The following PCDH9 variants were observed in gnomAD, a reference collection of about 807,000 sequenced individuals.
The protein encoded by PCDH9 is protocadherin 9, also known as protocadherin-9.
PCDH9 carries 24 observed loss-of-function variants against 70.6 expected under a neutral mutation model. The ratio of observed to expected loss-of-function variants is 0.34; its 90% CI spans 0.25 to 0.48. The LOEUF (loss-of-function observed/expected upper bound fraction) is 0.48, where lower values mean the gene tolerates loss of function less well. Among genes scored for constraint, PCDH9 ranks in the 20% least tolerant of loss-of-function variants. The pLI, the probability that PCDH9 is intolerant of heterozygous loss-of-function variation, is 0.99. For missense variants in PCDH9, 1,281 were observed against 1,503.6 expected (o/e 0.85, Z 2.45); for synonymous variants, 562 against 558.5 (o/e 1.01, Z -0.09).
intron 3 of PCDH9, among the ~76,000 whole-genome samples, chr13:66,805,591 C>T (rs111862670): frequency 0.013 from 2,049 of 152,220 alleles, 36 homozygotes; most frequent in African/African-American, 0.046. Context: ...AAATAACAGA[C>T]ACAAAGACAC....
chr13:66,838,793 C>T (rs918066386), intron 3 of PCDH9, among the ~76,000 whole-genome samples: 1 of 152,030 alleles, frequency 6.6e-6, no homozygotes. Context: ...TTATTTAGAG[C>T]AACTCATTTC....
At chr13:66,899,718 T>C (rs1410282661) in intron 3 of PCDH9, among the ~76,000 whole-genome samples, 2 of 152,000 alleles carry the variant, frequency 1.3e-5, no homozygotes, top group Non-Finnish European at 2.9e-5. Context: ...AAAATGCTTA[T>C]TAAAGGCATT....
At chr13:66,330,587 G>C (rs550079734) in intron 4 of PCDH9, among the ~76,000 whole-genome samples, 12 of 152,186 alleles carry the variant, frequency 7.9e-5, no homozygotes, top group Non-Finnish European at 1.6e-4. Context: ...TAATTTGTGT[G>C]GGGGTGGGGG....
intron 2 of PCDH9, among the ~76,000 whole-genome samples, chr13:67,162,099 GTGT>G (rs1329684842): frequency 6.6e-6 from 1 of 152,150 alleles, no homozygotes; most frequent in Non-Finnish European, 1.5e-5. Flanking sequence ...ATGATTTTTA[GTGT>G]TGTTAATTTT....
At chr13:67,206,105 T>C (rs1376049423) in intron 2 of PCDH9, 2 of 152,074 alleles carry the variant, frequency 1.3e-5, no homozygotes, top group Non-Finnish European at 2.9e-5. Context: ...CCTCACAAAG[T>C]GCTGGGATTA....
chr13:66,627,391 A>T (rs1327721323), intron 4 of PCDH9, among the ~76,000 whole-genome samples: 1 of 152,220 alleles, frequency 6.6e-6, no homozygotes, highest in Non-Finnish European at 1.5e-5. Flanking sequence ...TCTCAAAGTT[A>T]ATTACCAAAA....
chr13:66,616,132 T>G (rs945556398), intron 4 of PCDH9, among the ~76,000 whole-genome samples: 5 of 152,190 alleles, frequency 3.3e-5, no homozygotes, highest in Non-Finnish European at 5.9e-5. Context: ...CAGTAAAGGA[T>G]GTTACTTTCT....
At chr13:67,000,124 C>T (rs2084208669) in intron 2 of PCDH9, among the ~76,000 whole-genome samples, 1 of 152,058 alleles carries the variant, frequency 6.6e-6, no homozygotes, top group African/African-American at 2.4e-5. Flanking sequence ...AAATGTGGCA[C>T]ATATACACCA....
rs1197412613 is a variant in PCDH9, at chr13:67,226,359, G to A, written c.2082C>T (p.Gly694=). The A allele has an allele frequency of 1.9e-6, 3 of 1,614,020 alleles. No homozygotes were observed. Among genetic ancestry groups the A allele is most frequent in the Non-Finnish European group, 2.5e-6 (3 of 1,180,016 alleles). Residue 694 remains glycine, a synonymous_variant, in exon 2 of 5, where the codon GGC becomes GGT. Coordinates refer to ENST00000377865, the MANE Select transcript of PCDH9 (RefSeq NM_203487.3). This position sits in a 1 kb window ranked among gnomAD's most constrained non-coding sequence, Gnocchi z 5.0. ...CTGCAAAAACTTCTGCTACCACGGA[G>A]CCAGGAATGGCTGAGAGGGGCACCA... ...FKLVPLSAIP[G]SVVAEVFAVD... is the part of the protein sequence containing the mutation.
At chr13:66,995,340 C>T (rs772050203) in intron 2 of PCDH9, among the ~76,000 whole-genome samples, 2 of 152,036 alleles carry the variant, frequency 1.3e-5, no homozygotes, top group Non-Finnish European at 2.9e-5. Flanking sequence ...ACAAGCACCA[C>T]GGGCGAAGTG....
intron 3 of PCDH9, among the ~76,000 whole-genome samples, chr13:66,728,403 T>A (rs1263283721): frequency 6.6e-6 from 1 of 152,130 alleles, no homozygotes; most frequent in East Asian, 1.9e-4. Flanking sequence ...TTGCTGAAAT[T>A]TAAAAAAATG....
intron 3 of PCDH9, among the ~76,000 whole-genome samples, chr13:66,706,217 A>T (rs1184728810): frequency 6.6e-6 from 1 of 152,228 alleles, no homozygotes; most frequent in African/African-American, 2.4e-5. Flanking sequence ...TAGCGGCATC[A>T]TTATTGTCAG....
At chr13:66,514,489 C>CAA (rs57990200) in intron 4 of PCDH9, among the ~76,000 whole-genome samples, 6,727 of 132,646 alleles carry the variant, frequency 0.051, 209 homozygotes, top group South Asian at 0.11. Flanking sequence ...GGAGTGAATT[C>CAA]AAAAAAAAAA....
intron 3 of PCDH9, among the ~76,000 whole-genome samples, chr13:66,790,714 C>G (rs1021237713): frequency 1.3e-5 from 2 of 151,834 alleles, no homozygotes; most frequent in African/African-American, 4.8e-5. Context: ...TATCAAGTAT[C>G]CTTATTTATT....
intron 2 of PCDH9, among the ~76,000 whole-genome samples, chr13:67,044,405 C>T (rs1395378172): frequency 2.0e-5 from 3 of 152,060 alleles, no homozygotes; most frequent in African/African-American, 7.2e-5. Flanking sequence ...ACCCCAAATG[C>T]CAATTCCACA....
chr13:66,727,034 G>A (rs2079014503), intron 3 of PCDH9, among the ~76,000 whole-genome samples: 1 of 152,154 alleles, frequency 6.6e-6, no homozygotes, highest in Admixed American at 6.5e-5. Context: ...GAATTGGGAG[G>A]ATTGCTTGAG....
Position 66,874,161 on chromosome 13 carries a change from T to A in PCDH9, c.3138+29343A>T, listed in dbSNP as rs984866817. On this transcript the variant is annotated intron_variant, in intron 3 of 4. Coordinates refer to ENST00000377865, the MANE Select transcript of PCDH9 (RefSeq NM_203487.3). ...TCTCCATGAAATTTCTTAATATACATCCTGAGCATTTCTTAATCTGATGTA... is the reference window on the plus strand; with the variant it reads ...TCTCCATGAAATTTCTTAATATACAACCTGAGCATTTCTTAATCTGATGTA... Among the ~76,000 whole-genome samples, 5 of 152,098 alleles carry A rather than the reference T, an allele frequency of 3.3e-5. No individual in the cohort carries two copies. The East Asian group carries it at 9.7e-4, about 29-fold the overall frequency.
chr13:66,463,524 AAGT>A (rs1240685755), intron 4 of PCDH9, among the ~76,000 whole-genome samples: 1 of 151,842 alleles, frequency 6.6e-6, no homozygotes, highest in African/African-American at 2.4e-5. Flanking sequence ...CAGGATTTGT[AAGT>A]ATTTATTGTG....
At chr13:66,967,659 A>T (rs7981782) in intron 2 of PCDH9, among the ~76,000 whole-genome samples, 148,934 of 151,878 alleles carry the variant, frequency 0.98, 73,104 homozygotes, top group East Asian at 1. Flanking sequence ...ACAAAAAAAA[A>T]TTTTTTCTTA....
Sources: allele counts gnomAD v4.1 joint callset (sites outside exome capture counted in the v4.1 genomes callset), GRCh38; gene constraint gnomAD v4.1.1; non-coding constraint Gnocchi (gnomAD v3.1); transcripts MANE v1.5; gene names NCBI Gene and HGNC (gene_info 2026-07-23, HGNC 2026-07-21).